The following DAPK2 variants were observed in gnomAD, a reference collection of about 807,000 sequenced individuals.
The protein encoded by DAPK2 is death-associated protein kinase 2.
A neutral mutation model predicts 44.1 loss-of-function variants in DAPK2; 35 were observed. The observed-to-expected ratio is 0.79, with a 90% CI of 0.61 to 1.05. The LOEUF is 1.05. Among genes scored for constraint, DAPK2 ranks in the 50% least tolerant of loss-of-function variants. The pLI, the probability that DAPK2 is intolerant of heterozygous loss-of-function variation, is 0.00. For synonymous variants in DAPK2, 174 were observed against 182.6 expected, an observed-to-expected ratio of 0.95 and a Z score of 0.38; for missense variants, 453 against 483.2, an observed-to-expected ratio of 0.94 and a Z score of 0.59.
rs58709151 is a variant in DAPK2 at position 64,038,686 on chromosome 15, T to TA, written c.92+1483dup. 8.5e-3 allele frequency among the ~76,000 whole-genome samples: 1,230 copies of TA among 145,464 alleles called. 7 individuals carry two copies. Among genetic ancestry groups the TA allele is most frequent in the African/African-American group, 0.021 (814 of 39,700 alleles). On this transcript the variant is annotated intron_variant, in intron 1 of 10. Coordinates refer to ENST00000261891, the Ensembl canonical transcript of DAPK2. ...AAGCTCTGTTTCATCTTTGAAAGTT[T>TA]AAAAAAAAAAAAAGTAAGACAATTA... is the stretch of plus-strand genomic sequence containing the variant.
intron 1 of DAPK2, among the ~76,000 whole-genome samples, chr15:64,036,329 A>ATTAGTTAAC (rs1567290207): frequency 8.1e-6 from 1 of 123,246 alleles, no homozygotes; most frequent in Admixed American, 9.1e-5. Context: ...GTATATATAT[A>ATTAGTTAAC]TATATATACA....
intron 3 of DAPK2, among the ~76,000 whole-genome samples, chr15:63,958,609 G>A (rs2077795322): frequency 6.6e-6 from 1 of 152,156 alleles, no homozygotes; most frequent in South Asian, 2.1e-4. Flanking sequence ...ATTAAAAAGG[G>A]AATCCTTTCC....
At chr15:64,043,819 G>T (rs2080399294), upstream of DAPK2, among the ~76,000 whole-genome samples, 1 of 152,154 alleles carries the variant, frequency 6.6e-6, no homozygotes, top group Non-Finnish European at 1.5e-5. Flanking sequence ...GTGACTTGGA[G>T]CCCCATAAGG....
chr15:63,940,535 AC>A (rs879435541), intron 3 of DAPK2, among the ~76,000 whole-genome samples: 62 of 152,122 alleles, frequency 4.1e-4, no homozygotes, highest in Middle Eastern at 3.4e-3. Context: ...ACATGGCAAA[AC>A]CCCTGTCTCT....
chr15:63,986,141 T>A (rs2078662802), intron 1 of DAPK2, among the ~76,000 whole-genome samples: 1 of 152,174 alleles, frequency 6.6e-6, no homozygotes, highest in Admixed American at 6.5e-5. Flanking sequence ...CTTGGGCTGT[T>A]TCCAGAAGAG....
chr15:63,927,915 T>C lies in DAPK2; in HGVS notation c.659+1636A>G, dbSNP rs891615839. Among the ~76,000 whole-genome samples, 14 of 152,074 alleles carry C rather than the reference T, an allele frequency of 9.2e-5. 1 individual carries two copies. Among genetic ancestry groups the C allele is most frequent in the Non-Finnish European group, 2.9e-5 (2 of 68,006 alleles). ...GTGTGCCACCACACCTAGCTAGTTT[T>C]TTGTTTTGTTTTTTGTAGAGATGGG... On this transcript the variant is annotated intron_variant, in intron 6 of 10. Coordinates refer to ENST00000261891, the Ensembl canonical transcript of DAPK2.
intron 3 of DAPK2, among the ~76,000 whole-genome samples, chr15:63,947,411 G>A (rs549688987): frequency 6.6e-6 from 1 of 152,300 alleles, no homozygotes; most frequent in East Asian, 1.9e-4. Context: ...TTATAGCAGG[G>A]CCCAGTTACT....
At chr15:63,987,484 T>C (rs1200095699) in intron 1 of DAPK2, among the ~76,000 whole-genome samples, 1 of 152,192 alleles carries the variant, frequency 6.6e-6, no homozygotes, top group Non-Finnish European at 1.5e-5. Context: ...GAATCTGGTA[T>C]ACATATGCAA....
intron 4 of DAPK2, among the ~76,000 whole-genome samples, chr15:63,938,639 C>A (rs1001516877): frequency 1.3e-5 from 2 of 152,182 alleles, no homozygotes; most frequent in Non-Finnish European, 2.9e-5. Context: ...TTCTTCATGA[C>A]CCCAATCTCC....
rs144906402 is a variant in DAPK2, at chr15:63,975,699, A to G, written c.315-4138T>C. 4.4e-3 allele frequency among the ~76,000 whole-genome samples: 670 copies of G among 152,106 alleles called. 3 individuals carry two copies. Among genetic ancestry groups the G allele is most frequent in the African/African-American group, 0.016 (643 of 41,482 alleles). ...CTGCAACCTCCGCCTCCCAGGTTCA[A>G]CTGATTCTCAGGCCTCAGCCTCCTG... On this transcript the variant is annotated intron_variant, in intron 2 of 10. Coordinates refer to ENST00000261891, the Ensembl canonical transcript of DAPK2.
intron 1 of DAPK2, among the ~76,000 whole-genome samples, chr15:64,015,424 T>G (rs59606483): frequency 0.15 from 22,840 of 152,188 alleles, 1,872 homozygotes; most frequent in South Asian, 0.35. Flanking sequence ...AGGCAGCTGC[T>G]GTCAGCTCAG....
At chr15:64,011,374 A>G (rs771684627) in intron 1 of DAPK2, among the ~76,000 whole-genome samples, 1 of 152,198 alleles carries the variant, frequency 6.6e-6, no homozygotes, top group Admixed American at 6.5e-5. Context: ...AGCCTGGCCA[A>G]CATGATGAAA....
chr15:63,959,863 C>T (rs1474421401), intron 3 of DAPK2, among the ~76,000 whole-genome samples: 1 of 152,120 alleles, frequency 6.6e-6, no homozygotes, highest in Admixed American at 6.5e-5. Flanking sequence ...ATGATGTTGG[C>T]CTCATAAAAT....
intron 1 of DAPK2, among the ~76,000 whole-genome samples, chr15:64,036,336 TAC>T (rs1555484558): frequency 1.7e-4 from 20 of 115,054 alleles, no homozygotes; most frequent in East Asian, 2.0e-3. Flanking sequence ...TATATATATA[TAC>T]ATATATATAT....
At chr15:63,946,101 G>C (rs1425384259) in intron 3 of DAPK2, among the ~76,000 whole-genome samples, 1 of 152,266 alleles carries the variant, frequency 6.6e-6, no homozygotes, top group African/African-American at 2.4e-5. Flanking sequence ...GCCCAGCCCA[G>C]GGCCTGCCTG....
intron 1 of DAPK2, among the ~76,000 whole-genome samples, chr15:64,004,278 G>A (rs1228594897): frequency 1.3e-5 from 2 of 152,106 alleles, no homozygotes; most frequent in African/African-American, 2.4e-5. Flanking sequence ...ATGAGTAGCT[G>A]GATCTAGAGG....
chr15:63,911,871 A>G lies in DAPK2; in HGVS notation c.1032+37T>C, dbSNP rs991728431. 5.6e-6 allele frequency: 9 copies of G among 1,604,756 alleles called. No homozygotes were observed. The East Asian group carries it at 1.6e-4, about 28-fold the overall frequency. ...CCATCCCTGAGCTCCAGGCTACCCC[A>G]GAATTCTGCCCAAGAAGAGGGCATG... On this transcript the variant is annotated intron_variant, in intron 10 of 10. Transcript: ENST00000261891.
At chr15:63,920,086 G>C (rs1489646537) in intron 8 of DAPK2, 1 of 152,204 alleles carries the variant, frequency 6.6e-6, no homozygotes, top group Non-Finnish European at 1.5e-5. Context: ...TCTGAAGTCA[G>C]GAGGCATCTC....
In DAPK2 at chr15:64,013,475, G is replaced by C. The variant is rs945673389; in HGVS notation, c.92+26695C>G. Among the ~76,000 whole-genome samples the C allele has an allele frequency of 6.6e-6, 1 of 152,164 alleles. No individual in the cohort carries two copies. The highest frequency in any genetic ancestry group is 6.5e-5 in the Admixed American group (1 of 15,276). The stretch of plus-strand genomic sequence containing the variant: ...AGAAGCTTTCAACAGCTATGTCTCT[G>C]ATTACCTTGCATTCAGTCCTATGGA... On this transcript the variant is annotated intron_variant, in intron 1 of 10. Transcript: ENST00000261891. This position sits in a 1 kb window ranked among gnomAD's most constrained non-coding sequence, Gnocchi z 4.7.
Sources: gnomAD v4.1 joint callset for allele counts (sites outside exome capture counted in the v4.1 genomes callset) on GRCh38, gnomAD v4.1.1 for gene constraint, Gnocchi (gnomAD v3.1) non-coding constraint, MANE v1.5 for transcripts, NCBI Gene and HGNC (gene_info 2026-07-23, HGNC 2026-07-21) for gene names.